The following MSI1 variants were observed in gnomAD, a reference collection of about 807,000 sequenced individuals.
The protein encoded by MSI1 is RNA-binding protein Musashi homolog 1.
Under a neutral mutation model 54.4 loss-of-function variants are expected in MSI1, and 15 were observed. The ratio of observed to expected loss-of-function variants is 0.28; its 90% confidence interval spans 0.18 to 0.42. The LOEUF (loss-of-function observed/expected upper bound fraction) is 0.42. Among genes scored for constraint, MSI1 ranks in the 20% least tolerant of loss-of-function variants. The pLI, the probability that MSI1 is intolerant of heterozygous loss-of-function variation, is 1.00. For missense variants in MSI1, 304 were observed against 506.0 expected, an observed-to-expected ratio of 0.60 and a Z score of 3.83; for synonymous variants, 200 against 196.5, an observed-to-expected ratio of 1.02 and a Z score of -0.15.
intron 11 of MSI1, among the ~76,000 whole-genome samples, chr12:120,349,651 G>A (rs1234671904): frequency 2.0e-5 from 3 of 152,186 alleles, no homozygotes; most frequent in Non-Finnish European, 4.4e-5. Flanking sequence ...CTGGTACAAT[G>A]AATATTTATC....
chr12:120,354,216 C>A (rs1874879975), intron 9 of MSI1, among the ~76,000 whole-genome samples: 1 of 152,040 alleles, frequency 6.6e-6, no homozygotes, highest in South Asian at 2.1e-4. Context: ...GAACTACTAG[C>A]CTCAAGTGAT....
At chr12:120,345,180 T>G (rs1485547650) in intron 14 of MSI1, among the ~76,000 whole-genome samples, 1 of 150,960 alleles carries the variant, frequency 6.6e-6, no homozygotes, top group Non-Finnish European at 1.5e-5. Context: ...AGTGAAACCC[T>G]GTCTCTACAA....
intron 6 of MSI1, among the ~76,000 whole-genome samples, chr12:120,362,108 C>T (rs1875707336): frequency 6.6e-6 from 1 of 152,066 alleles, no homozygotes; most frequent in African/African-American, 2.4e-5. Context: ...GCACGAAAGC[C>T]GAGGCCTCTG....
intron 11 of MSI1, among the ~76,000 whole-genome samples, chr12:120,349,282 A>G (rs1314408639): frequency 6.6e-6 from 1 of 151,964 alleles, no homozygotes; most frequent in Non-Finnish European, 1.5e-5. Context: ...TATTTTTAGT[A>G]GAGATGGGGT....
In MSI1 at chr12:120,368,669, G is replaced by C. The variant is rs1359215974; in HGVS notation, c.100+164C>G. On this transcript the variant is annotated intron_variant, in intron 2 of 14. Transcript: ENST00000257552. This position sits in a 1 kb window ranked among gnomAD's most constrained non-coding sequence, Gnocchi z 6.6. ...TCCACCCGCTGGGCCGGGTGCGCTC[G>C]CGGATCGCCCTGCGCTCTCGGGGTC... Among the ~76,000 whole-genome samples the C allele has an allele frequency of 1.3e-5, 2 of 151,746 alleles. No individual in the cohort carries two copies. Among genetic ancestry groups the C allele is most frequent in the African/African-American group, 4.8e-5 (2 of 41,340 alleles).
chr12:120,356,833 C>T (rs768755542), intron 9 of MSI1, 69 bp downstream of exon 9: 37 of 1,388,884 alleles, frequency 2.7e-5, no homozygotes, highest in African/African-American at 4.2e-5. Flanking sequence ...GTGCAACACC[C>T]ACACAGCCCC....
At chr12:120,351,545 G>T in intron 10 of MSI1, 145 bp from the exon 11 acceptor site, 1 of 673,924 alleles carries the variant, frequency 1.5e-6, no homozygotes, top group South Asian at 1.9e-5. Context: ...GGAGAGCACA[G>T]TTCCCAGAAG....
chr12:120,343,837 T>TC (rs1214160097), intron 14 of MSI1, among the ~76,000 whole-genome samples: 1 of 152,024 alleles, frequency 6.6e-6, no homozygotes, highest in African/African-American at 2.4e-5. Context: ...GTGTACACAG[T>TC]CCCACAAGTC....
Position 120,368,334 on chromosome 12 carries a change from C to T in MSI1, c.101-61G>A, listed in dbSNP as rs1388507899. On this transcript the variant is annotated intron_variant, in intron 2 of 14. Coordinates refer to ENST00000257552, the MANE Select transcript of MSI1 (RefSeq NM_002442.4). The surrounding 1 kb of genome is among the most constrained non-coding windows in gnomAD (Gnocchi z 6.6). ...CCCCGCGCCCTTCCCCCCCCCCCGT[C>T]CTTTGCCCCCGGTGACCCCGGAGCG... The T allele has an allele frequency of 1.4e-6, 2 of 1,478,528 alleles. No homozygotes were observed. The highest frequency in any genetic ancestry group is 3.0e-5 in the African/African-American group (2 of 67,272). The allele number at this position is 1,478,528 out of a possible 1,614,324, so 91.6% of individuals were successfully genotyped here. A position where few individuals can be genotyped will look rare whatever the true frequency, so the allele number is the denominator to read the frequency against.
rs559896184 is a variant in MSI1, at chr12:120,342,929, G to A, written c.*198C>T. The A allele has an allele frequency of 2.0e-5, 3 of 149,298 alleles. No homozygotes were observed. The highest frequency in any genetic ancestry group is 2.1e-4 in the South Asian group (1 of 4,682). The allele number at this position is 149,298 out of a possible 1,614,324, so 9.2% of individuals were successfully genotyped here. On this transcript the variant is annotated 3_prime_UTR_variant, in exon 15 of 15. Transcript: ENST00000257552. ...TGGGGGCAAGGGCGAAGAGGGGGAC[G>A]TTAGTAGGGGAGCCAGACGCTGTTG...
At position 120,353,276 on chromosome 12, in the gene MSI1, G is replaced by A. The variant is rs572307379; in HGVS notation, c.733+23C>T. On this transcript the variant is annotated intron_variant, in intron 10 of 14. Transcript: ENST00000257552. The stretch of plus-strand genomic sequence containing the variant: ...GGGAACCAGGGGCATGCTGGCAGCA[G>A]AGGGATACTGAGCAGGACTTACCGG... 44 of 1,610,396 alleles carry A rather than the reference G, an allele frequency of 2.7e-5. No homozygotes were observed. In the South Asian group the frequency reaches 4.7e-4, roughly 17 times the overall value.
At chr12:120,366,332 C>T (rs1205055217) in intron 4 of MSI1, among the ~76,000 whole-genome samples, 2 of 152,190 alleles carry the variant, frequency 1.3e-5, no homozygotes, top group African/African-American at 2.4e-5. Flanking sequence ...AGAGATGGAA[C>T]CTCCAAAATC....
intron 12 of MSI1, among the ~76,000 whole-genome samples, chr12:120,346,802 G>A (rs146206090): frequency 0.01 from 1,565 of 152,112 alleles, 32 homozygotes; most frequent in African/African-American, 0.036. Flanking sequence ...GCCTTCCCTC[G>A]CCTTTCCTAG....
At position 120,351,536 on chromosome 12, in the gene MSI1, G is replaced by A. The variant is rs531303633; in HGVS notation, c.734-136C>T. 6 of 710,918 alleles carry A rather than the reference G, an allele frequency of 8.4e-6. No individual in the cohort carries two copies. The African/African-American group carries it at 8.9e-5, about 11-fold the overall frequency. The allele number at this position is 710,918 out of a possible 1,614,324, so 44.0% of individuals were successfully genotyped here. ...ACAGGACCCAAGAGCTGGGGAGGGGGAGAGCACAGTTCCCAGAAGGCAGGG... is the reference window on the plus strand; with the variant it reads ...ACAGGACCCAAGAGCTGGGGAGGGGAAGAGCACAGTTCCCAGAAGGCAGGG... On this transcript the variant is annotated intron_variant, in intron 10 of 14. Coordinates refer to ENST00000257552, the MANE Select transcript of MSI1 (RefSeq NM_002442.4).
At chr12:120,347,372 C>T in intron 12 of MSI1, 74 bp downstream of exon 12, 5 of 1,539,242 alleles carry the variant, frequency 3.2e-6, no homozygotes, top group Non-Finnish European at 4.5e-6. Context: ...GTGGCAGTGG[C>T]CTTCTCCCCT....
At chr12:120,347,334 G>T in intron 12 of MSI1, 112 bp downstream of exon 12, 1 of 1,246,328 alleles carries the variant, frequency 8.0e-7, no homozygotes, top group Non-Finnish European at 1.2e-6. Flanking sequence ...ATACTTGAGT[G>T]AATGAACAAG....
At chr12:120,348,818 A>G (rs1874360731) in intron 11 of MSI1, among the ~76,000 whole-genome samples, 1 of 152,138 alleles carries the variant, frequency 6.6e-6, no homozygotes, top group Non-Finnish European at 1.5e-5. Context: ...GCTTGCACCC[A>G]GGAGGTGGAG....
chr12:120,343,628 C>A (rs927528707), intron 14 of MSI1, among the ~76,000 whole-genome samples: 1 of 152,156 alleles, frequency 6.6e-6, no homozygotes, highest in Non-Finnish European at 1.5e-5. Context: ...CTCTAAACCC[C>A]ACATCTAAAA....
In MSI1 at chr12:120,353,288, G is replaced by A. The variant is rs1160142655; in HGVS notation, c.733+11C>T. Reference sequence around the variant, plus strand: ...CATGCTGGCAGCAGAGGGATACTGAGCAGGACTTACCGGGGAACTGGTAGG... The same window carrying A: ...CATGCTGGCAGCAGAGGGATACTGAACAGGACTTACCGGGGAACTGGTAGG... On this transcript the variant is annotated intron_variant, in intron 10 of 14. Transcript: ENST00000257552. 6 of 1,613,470 alleles carry A rather than the reference G, an allele frequency of 3.7e-6. No individual in the cohort carries two copies. Among genetic ancestry groups the A allele is most frequent in the African/African-American group, 1.3e-5 (1 of 75,030 alleles).
Sources: gnomAD v4.1 joint callset for allele counts (sites outside exome capture counted in the v4.1 genomes callset) on GRCh38, gnomAD v4.1.1 for gene constraint, Gnocchi (gnomAD v3.1) non-coding constraint, MANE v1.5 for transcripts, NCBI Gene and HGNC (gene_info 2026-07-23, HGNC 2026-07-21) for gene names.